MARCHF4: variants seen among roughly 807,000 people sequenced by gnomAD.
The protein encoded by MARCHF4 is E3 ubiquitin-protein ligase MARCHF4.
MARCHF4 carries 14 observed loss-of-function variants against 43.9 expected under a neutral mutation model. The observed-to-expected ratio is 0.32, with a 90% CI of 0.21 to 0.50. The LOEUF (loss-of-function observed/expected upper bound fraction) is 0.50. Ranked by LOEUF, MARCHF4 falls within the 20% of genes least tolerant of loss-of-function variation. The probability of loss-of-function intolerance (pLI) is 0.98; values close to 1 mark genes in which losing one functional copy is unlikely to be tolerated. For missense variants in MARCHF4, 468 were observed against 536.7 expected, an observed-to-expected ratio of 0.87 and a Z score of 1.27; for synonymous variants, 226 against 213.3, an observed-to-expected ratio of 1.06 and a Z score of -0.52.
chr2:216,293,067 C>T (rs1691332895), intron 1 of MARCHF4, among the ~76,000 whole-genome samples: 1 of 152,204 alleles, frequency 6.6e-6, no homozygotes, highest in Admixed American at 6.5e-5. Context: ...CTTCAAAGAT[C>T]CTCTATGGCC....
At chr2:216,286,590 TA>T (rs1691222945) in intron 1 of MARCHF4, among the ~76,000 whole-genome samples, 1 of 151,672 alleles carries the variant, frequency 6.6e-6, no homozygotes, top group African/African-American at 2.4e-5. Context: ...TTAACTTTGA[TA>T]AAGGAAAAAG....
intron 1 of MARCHF4, among the ~76,000 whole-genome samples, chr2:216,286,300 A>C (rs1452373082): frequency 6.6e-6 from 1 of 152,204 alleles, no homozygotes; most frequent in Non-Finnish European, 1.5e-5. Context: ...ACACTTTGGG[A>C]GGCCGAGGCA....
chr2:216,300,421 G>T (rs1350092890), intron 1 of MARCHF4, among the ~76,000 whole-genome samples: 1 of 148,162 alleles, frequency 6.7e-6, no homozygotes, highest in Non-Finnish European at 1.5e-5. Context: ...ACAGCTCACT[G>T]CAGCCTCGAC....
chr2:216,337,119 T>G lies in MARCHF4; in HGVS notation c.516+32626A>C, dbSNP rs1692170662. ...GTGAGCTGAGATCATGCCACTGCAC[T>G]CCAGCCTGGGTGACAGAGCAAGACT... On this transcript the variant is annotated intron_variant, in intron 1 of 3. Coordinates refer to ENST00000273067, the MANE Select transcript of MARCHF4 (RefSeq NM_020814.3). 2.0e-5 allele frequency among the ~76,000 whole-genome samples: 3 copies of G among 148,502 alleles called. No homozygotes were observed. The South Asian group carries it at 6.4e-4, about 32-fold the overall frequency.
chr2:216,345,162 A>C (rs551307114), intron 1 of MARCHF4, among the ~76,000 whole-genome samples: 9 of 152,050 alleles, frequency 5.9e-5, no homozygotes, highest in African/African-American at 2.2e-4. Context: ...TGGGAGGTCC[A>C]GTGTAGATCC....
intron 1 of MARCHF4, among the ~76,000 whole-genome samples, chr2:216,306,827 G>T (rs1691594438): frequency 6.6e-6 from 1 of 151,460 alleles, no homozygotes; most frequent in Non-Finnish European, 1.5e-5. Flanking sequence ...CAGGACTTTG[G>T]GTGTTAAAAT....
At position 216,259,145 on chromosome 2, in the gene MARCHF4, C is replaced by T; in HGVS notation, c.*167G>A. The T allele has an allele frequency of 1.1e-6, 1 of 910,256 alleles. No individual in the cohort carries two copies. The highest frequency in any genetic ancestry group is 1.6e-6 in the Non-Finnish European group (1 of 623,272). 56.4% of individuals were successfully genotyped at this position (910,256 alleles called of 1,614,324 possible). On this transcript the variant is annotated 3_prime_UTR_variant, in exon 4 of 4. Transcript: ENST00000273067. ...CATTGACTGATTGGAAATAGCAGAA[C>T]TGCTCCTGCACCAGCCTCACTCCCG...
chr2:216,340,636 C>T (rs1365344343), intron 1 of MARCHF4, among the ~76,000 whole-genome samples: 2 of 152,212 alleles, frequency 1.3e-5, no homozygotes, highest in African/African-American at 4.8e-5. Context: ...GACAGAGCAT[C>T]TCCCATGCCC....
At chr2:216,292,778 C>T (rs764809936) in intron 1 of MARCHF4, among the ~76,000 whole-genome samples, 4 of 152,028 alleles carry the variant, frequency 2.6e-5, no homozygotes, top group African/African-American at 7.3e-5. Context: ...ATGGGGCCAG[C>T]GAATAGAAAT....
intron 3 of MARCHF4, among the ~76,000 whole-genome samples, chr2:216,274,434 T>G (rs1460192665): frequency 1.3e-5 from 2 of 152,092 alleles, no homozygotes; most frequent in Admixed American, 1.3e-4. Flanking sequence ...TACCCGATTC[T>G]CCCTCCAGAG....
intron 1 of MARCHF4, among the ~76,000 whole-genome samples, chr2:216,312,256 G>A (rs923966024): frequency 2.6e-5 from 4 of 152,068 alleles, no homozygotes; most frequent in Admixed American, 2.6e-4. Context: ...AATGGCTTCC[G>A]GCTTCATCCA....
chr2:216,307,971 G>A (rs1417575206), intron 1 of MARCHF4, among the ~76,000 whole-genome samples: 1 of 152,180 alleles, frequency 6.6e-6, no homozygotes, highest in Non-Finnish European at 1.5e-5. Context: ...TGGGAGGATT[G>A]CTTGAGCCCA....
intron 1 of MARCHF4, among the ~76,000 whole-genome samples, chr2:216,334,670 G>A (rs1262411439): frequency 6.6e-6 from 1 of 152,136 alleles, no homozygotes; most frequent in Non-Finnish European, 1.5e-5. Flanking sequence ...CAAAGCACTG[G>A]GATTTCAGGC....
intron 1 of MARCHF4, among the ~76,000 whole-genome samples, chr2:216,354,927 CTTTCTTTCTTTCT>C (rs1692467333): frequency 1.6e-5 from 2 of 127,464 alleles, no homozygotes; most frequent in Non-Finnish European, 3.2e-5. Context: ...TTCTTTCTTT[CTTTCTTTCTTTCT>C]TTCTTTCTTT....
At chr2:216,278,778 G>A (rs1404975545) in intron 2 of MARCHF4, among the ~76,000 whole-genome samples, 1 of 152,162 alleles carries the variant, frequency 6.6e-6, no homozygotes, top group Non-Finnish European at 1.5e-5. Flanking sequence ...AACAGAAAAA[G>A]CCCTGTGCTT....
intron 1 of MARCHF4, among the ~76,000 whole-genome samples, chr2:216,346,172 G>GA: frequency 6.6e-6 from 1 of 152,258 alleles, no homozygotes; most frequent in South Asian, 2.1e-4. Context: ...CACATCTTGG[G>GA]AAATCTGTCA....
At chr2:216,329,667 A>G (rs1194674026) in intron 1 of MARCHF4, among the ~76,000 whole-genome samples, 1 of 151,760 alleles carries the variant, frequency 6.6e-6, no homozygotes, top group African/African-American at 2.4e-5. Flanking sequence ...AGTAAATATA[A>G]ACCTAACTAT....
chr2:216,306,333 A>G (rs1300433630), intron 1 of MARCHF4, among the ~76,000 whole-genome samples: 2 of 152,212 alleles, frequency 1.3e-5, no homozygotes, highest in East Asian at 1.9e-4. Flanking sequence ...AAATCATTTT[A>G]TAAGTAAAAT....
At chr2:216,362,849 TA>T (rs1224034813) in intron 1 of MARCHF4, among the ~76,000 whole-genome samples, 1 of 152,190 alleles carries the variant, frequency 6.6e-6, no homozygotes, top group Non-Finnish European at 1.5e-5. Flanking sequence ...AACTCTGGCT[TA>T]TACCTGATGC....
Sources: gnomAD v4.1 joint callset for allele counts (sites outside exome capture counted in the v4.1 genomes callset) on GRCh38, gnomAD v4.1.1 for gene constraint, MANE v1.5 for transcripts, NCBI Gene and HGNC (gene_info 2026-07-23, HGNC 2026-07-21) for gene names.